Variants in NDST3 observed in about 807,000 individuals in gnomAD.
NDST3 encodes N-deacetylase and N-sulfotransferase 3.
NDST3 carries 58 observed loss-of-function variants against 96.1 expected under a neutral mutation model. The observed-to-expected ratio is 0.60, with a 90% CI of 0.49 to 0.75. NDST3 has a LOEUF of 0.75. NDST3 is among the 30% of genes least tolerant of loss of function. The probability of loss-of-function intolerance (pLI) is 0.00; values close to 1 mark genes in which losing one functional copy is unlikely to be tolerated. For synonymous variants in NDST3, 333 were observed against 359.7 expected (o/e 0.93, Z 0.84); for missense variants, 788 against 1,034.2 (o/e 0.76, Z 3.27).
chr4:118,155,958 T>C lies in NDST3; in HGVS notation c.1539+12274T>C, dbSNP rs371388614. On this transcript the variant is annotated intron_variant, in intron 6 of 13. Coordinates refer to ENST00000296499, the MANE Select transcript of NDST3 (RefSeq NM_004784.3). ...TATTCTTTGTTCAATCCTTTGATAGTTTCCCATAGCAATCAATGACACCCA... is the reference window on the plus strand; with the variant it reads ...TATTCTTTGTTCAATCCTTTGATAGCTTCCCATAGCAATCAATGACACCCA... Among the ~76,000 whole-genome samples the C allele has an allele frequency of 1.2e-4, 18 of 152,328 alleles. No individual in the cohort carries two copies. In the Middle Eastern group the frequency reaches 0.01, roughly 86 times the overall value.
At chr4:118,102,903 A>G (rs1729880433) in intron 2 of NDST3, among the ~76,000 whole-genome samples, 1 of 152,094 alleles carries the variant, frequency 6.6e-6, no homozygotes, top group Admixed American at 6.6e-5. Flanking sequence ...TGTATCTTTT[A>G]TGTGTTTAGT....
chr4:118,138,005 G>C (rs764736798), intron 4 of NDST3, 49 bp from the exon 5 acceptor site: 2 of 1,420,780 alleles, frequency 1.4e-6, no homozygotes. Context: ...GTAAAAATAG[G>C]ATCAAGATAA....
At chr4:118,120,495 T>C (rs1245769726) in intron 4 of NDST3, among the ~76,000 whole-genome samples, 1 of 152,084 alleles carries the variant, frequency 6.6e-6, no homozygotes, top group African/African-American at 2.4e-5. Flanking sequence ...TCTGGGGTGA[T>C]TAGATCAAAG....
rs1726461160 is a variant in NDST3, at chr4:118,066,364, T to TAC, written c.981+11474_981+11475insCA. ...ATTATATATCATATATCATATGTTA[T>TAC]ATATTATATATCATATATCATATGT... is the stretch of plus-strand genomic sequence containing the variant. On this transcript the variant is annotated intron_variant, in intron 2 of 13. Transcript: ENST00000296499. Among the ~76,000 whole-genome samples, 3 of 83,018 alleles carry TAC rather than the reference T, an allele frequency of 3.6e-5. 1 individual carries two copies. Among genetic ancestry groups the TAC allele is most frequent in the African/African-American group, 1.8e-4 (3 of 16,508 alleles). The allele number at this position is 83,018 out of a possible 152,430, so 54.5% of individuals were successfully genotyped here. A position where few individuals can be genotyped will look rare whatever the true frequency, so the allele number is the denominator to read the frequency against.
At chr4:118,232,772 A>C (rs769562305) in intron 8 of NDST3, among the ~76,000 whole-genome samples, 3 of 152,242 alleles carry the variant, frequency 2.0e-5, no homozygotes, top group African/African-American at 7.2e-5. Flanking sequence ...TCAGTCATTG[A>C]GCTGAGATTG....
At chr4:118,149,791 T>C (rs1242783160) in intron 6 of NDST3, among the ~76,000 whole-genome samples, 2 of 152,094 alleles carry the variant, frequency 1.3e-5, no homozygotes, top group African/African-American at 2.4e-5. Flanking sequence ...TCCAACACTA[T>C]GTTGAATAGG....
chr4:118,123,769 A>G (rs1055827501), intron 4 of NDST3, among the ~76,000 whole-genome samples: 1 of 152,168 alleles, frequency 6.6e-6, no homozygotes, highest in African/African-American at 2.4e-5. Context: ...TAAGAGAGGA[A>G]AACAACATGC....
chr4:118,133,455 G>T (rs186283240), intron 4 of NDST3, among the ~76,000 whole-genome samples: 21 of 152,264 alleles, frequency 1.4e-4, no homozygotes, highest in African/African-American at 5.1e-4. Flanking sequence ...GGGAAAGGTG[G>T]CATTGGCGAT....
intron 8 of NDST3, among the ~76,000 whole-genome samples, chr4:118,232,602 C>T (rs1038085026): frequency 1.3e-5 from 2 of 150,282 alleles, no homozygotes; most frequent in Non-Finnish European, 3.0e-5. Context: ...TGCACCACCA[C>T]ACTCCAGCCT....
At chr4:118,088,894 T>A (rs1728646327) in intron 2 of NDST3, among the ~76,000 whole-genome samples, 1 of 151,948 alleles carries the variant, frequency 6.6e-6, no homozygotes, top group Admixed American at 6.6e-5. Context: ...TTGCCTCTAT[T>A]ATGATATTAT....
chr4:118,194,318 T>G, intron 6 of NDST3: 1 of 734,830 alleles, frequency 1.4e-6, no homozygotes, highest in Non-Finnish European at 2.6e-6. Flanking sequence ...TTCCGCCATC[T>G]TCTTCTTCCG....
intron 1 of NDST3, among the ~76,000 whole-genome samples, chr4:118,047,324 G>A (rs115809598): frequency 0.011 from 1,745 of 152,276 alleles, 25 homozygotes; most frequent in African/African-American, 0.039. Context: ...ATCATGGTAA[G>A]ACCTCTGGCA....
intron 6 of NDST3, among the ~76,000 whole-genome samples, chr4:118,158,091 T>A (rs1734834347): frequency 6.6e-6 from 1 of 152,064 alleles, no homozygotes; most frequent in Admixed American, 6.5e-5. Context: ...GAAAGAAGGA[T>A]AATAAGAGAG....
Position 118,164,764 on chromosome 4 carries a change from A to G in NDST3, c.1539+21080A>G, listed in dbSNP as rs191290878. Reference sequence around the variant, plus strand: ...AAAAGGCAAAAGTATAAAAAACACTATAACTATATGACAATAATAAAAAGG... The same window carrying G: ...AAAAGGCAAAAGTATAAAAAACACTGTAACTATATGACAATAATAAAAAGG... On this transcript the variant is annotated intron_variant, in intron 6 of 13. Coordinates refer to ENST00000296499, the MANE Select transcript of NDST3 (RefSeq NM_004784.3). Among the ~76,000 whole-genome samples the G allele has an allele frequency of 9.9e-3, 1,505 of 152,270 alleles. 19 individuals carry two copies. Among genetic ancestry groups the G allele is most frequent in the Non-Finnish European group, 0.015 (1,040 of 68,014 alleles).
rs1742134506 is a variant in NDST3 at position 118,256,545 on chromosome 4, G to A, written c.*833G>A. ...TAGGGGTCTAAAAACATATCATCGA[G>A]AATTCTATGTCCACTTGCTGTAAGC... On this transcript the variant is annotated 3_prime_UTR_variant, in exon 14 of 14. Transcript: ENST00000296499. 1 of 152,122 alleles carries A rather than the reference G, an allele frequency of 6.6e-6. No homozygotes were observed. Among genetic ancestry groups the A allele is most frequent in the Admixed American group, 6.6e-5 (1 of 15,262 alleles). The allele number at this position is 152,122 out of a possible 1,614,324, so 9.4% of individuals were successfully genotyped here. A position where few individuals can be genotyped will look rare whatever the true frequency, so the allele number is the denominator to read the frequency against.
chr4:118,050,105 C>T (rs1724995614), intron 1 of NDST3, among the ~76,000 whole-genome samples: 1 of 152,028 alleles, frequency 6.6e-6, no homozygotes, highest in Non-Finnish European at 1.5e-5. Flanking sequence ...ATGTCATTTA[C>T]CACATAAACA....
rs189051781 is a variant in NDST3 at position 118,234,142 on chromosome 4, T to C, written c.1943+1007T>C. Among the ~76,000 whole-genome samples the C allele has an allele frequency of 5.3e-5, 8 of 152,296 alleles. No homozygotes were observed. In the East Asian group the frequency reaches 1.5e-3, roughly 29 times the overall value. ...AACCATCGACAGTGGCCAGGCACAG[T>C]GGCTCACATGTGTAATCCCAGCATT... On this transcript the variant is annotated intron_variant, in intron 9 of 13. Coordinates refer to ENST00000296499, the MANE Select transcript of NDST3 (RefSeq NM_004784.3).
intron 6 of NDST3, among the ~76,000 whole-genome samples, chr4:118,212,820 A>C (rs1039737892): frequency 6.6e-6 from 1 of 152,208 alleles, no homozygotes; most frequent in African/African-American, 2.4e-5. Flanking sequence ...ATAACAGGTT[A>C]GCCTTGGGTG....
rs145203253 is a variant in NDST3, at chr4:118,101,574, T to C, written c.982-3444T>C. Among the ~76,000 whole-genome samples the C allele has an allele frequency of 3.4e-4, 52 of 152,238 alleles. 1 individual carries two copies. The highest frequency in any genetic ancestry group is 1.2e-3 in the African/African-American group (49 of 41,564). On this transcript the variant is annotated intron_variant, in intron 2 of 13. Transcript: ENST00000296499. ...CAATTATTTTCTGCTGCAGAAATGGTTGCTTCATTGCTGTAGCCATGAGTG... is the reference window on the plus strand; with the variant it reads ...CAATTATTTTCTGCTGCAGAAATGGCTGCTTCATTGCTGTAGCCATGAGTG...
Sources: gnomAD v4.1 joint callset for allele counts (sites outside exome capture counted in the v4.1 genomes callset) on GRCh38, gnomAD v4.1.1 for gene constraint, MANE v1.5 for transcripts, NCBI Gene and HGNC (gene_info 2026-07-23, HGNC 2026-07-21) for gene names.